DRG1: variants seen among roughly 807,000 people sequenced by gnomAD.
DRG1 encodes developmentally-regulated GTP-binding protein 1.
A neutral mutation model predicts 38.8 loss-of-function variants in DRG1; 19 were observed. The ratio of observed to expected loss-of-function variants is 0.49; its 90% CI spans 0.34 to 0.72. The LOEUF (loss-of-function observed/expected upper bound fraction) is 0.72. Among genes scored for constraint, DRG1 ranks in the 30% least tolerant of loss-of-function variants. The pLI is 0.01. For missense variants in DRG1, 299 were observed against 444.8 expected (o/e 0.67, Z 2.95); for synonymous variants, 167 against 157.5 (o/e 1.06, Z -0.45).
intron 4 of DRG1, among the ~76,000 whole-genome samples, chr22:31,418,035 G>A (rs924924642): frequency 1.3e-5 from 2 of 151,474 alleles, no homozygotes; most frequent in African/African-American, 2.4e-5. Context: ...GGTGGCTCAC[G>A]CCTGTAATCC....
rs886674038 is a variant in DRG1, at chr22:31,432,410, GTT to G, written c.1005-1457_1005-1456del. On this transcript the variant is annotated intron_variant, in intron 8 of 8. Transcript: ENST00000331457. The stretch of plus-strand genomic sequence containing the variant: ...ACTGATCCCTTACTCTGTGCTTTGT[GTT>G]TTTTGTGTGTGTGTGTGTTTTTTTT... Among the ~76,000 whole-genome samples the G allele has an allele frequency of 9.0e-4, 132 of 147,366 alleles. 2 individuals are homozygous for G. In the East Asian group the frequency reaches 0.024, roughly 26 times the overall value.
intron 5 of DRG1, among the ~76,000 whole-genome samples, chr22:31,421,782 A>G (rs533201925): frequency 6.6e-6 from 1 of 152,236 alleles, no homozygotes; most frequent in African/African-American, 2.4e-5. Context: ...CTTTAATGTC[A>G]TGGGCCTAAC....
intron 4 of DRG1, among the ~76,000 whole-genome samples, chr22:31,418,039 G>A (rs1054135742): frequency 1.3e-5 from 2 of 151,924 alleles, no homozygotes; most frequent in Admixed American, 6.6e-5. Flanking sequence ...GCTCACGCCT[G>A]TAATCCCAAC....
chr22:31,412,585 G>A lies in DRG1; in HGVS notation c.412+1504G>A, dbSNP rs559602558. Reference sequence around the variant, plus strand: ...AGGATGGTCTCGATCTCCTGACCTCGTGATCCGCCCGCCTCGGCCTCCCAA... The same window carrying A: ...AGGATGGTCTCGATCTCCTGACCTCATGATCCGCCCGCCTCGGCCTCCCAA... On this transcript the variant is annotated intron_variant, in intron 4 of 8. Transcript: ENST00000331457. 4.4e-4 allele frequency among the ~76,000 whole-genome samples: 67 copies of A among 151,922 alleles called. No individual in the cohort carries two copies. The Middle Eastern group carries it at 0.01, about 23-fold the overall frequency.
At chr22:31,423,485 C>A in intron 6 of DRG1, 75 bp downstream of exon 6, 2 of 1,367,822 alleles carry the variant, frequency 1.5e-6, no homozygotes, top group Non-Finnish European at 2.0e-6. Flanking sequence ...GATCTTGAAT[C>A]TGGCAGAAGT....
At chr22:31,408,531 T>C (rs2050001601) in intron 3 of DRG1, among the ~76,000 whole-genome samples, 1 of 151,572 alleles carries the variant, frequency 6.6e-6, no homozygotes, top group African/African-American at 2.4e-5. Context: ...GCAGATCACT[T>C]GAGGTCAGGA....
rs879164478 is a variant in DRG1 at position 31,403,121 on chromosome 22, G to T, written c.259G>T (p.Val87Leu). Reference protein sequence around the residue: ...KSTLLSNLAGVYSEVAAYEFT... With the variant: ...KSTLLSNLAGLYSEVAAYEFT... ...AACACTGCTTAGTAACCTGGCAGGG[G>T]TATATTCTGAGGTGGCAGCCTATGA... The change falls in exon 3 of 9, where the codon GTA becomes TTA. Residue 87 changes from valine (V) to leucine (L), a missense_variant. By Grantham distance (32) the Val-to-Leu change is conservative. Around this residue, in one of 3 missense-constraint regions of DRG1, gnomAD observed 50 missense variants for 120.6 expected, o/e 0.41. Transcript: ENST00000331457. 1.2e-6 allele frequency: 2 copies of T among 1,614,002 alleles called. No homozygotes were observed. The highest frequency in any genetic ancestry group is 1.1e-5 in the South Asian group (1 of 91,088).
At chr22:31,401,473 A>G (rs695630) in intron 2 of DRG1, among the ~76,000 whole-genome samples, 127,735 of 151,430 alleles carry the variant, frequency 0.84, 54,073 homozygotes, top group East Asian at 0.94. Flanking sequence ...CAGCTATTTG[A>G]GAGGCTGAGG....
chr22:31,429,634 T>G (rs2050128933), intron 8 of DRG1, among the ~76,000 whole-genome samples: 1 of 151,966 alleles, frequency 6.6e-6, no homozygotes, highest in Non-Finnish European at 1.5e-5. Flanking sequence ...TGTTGGCCCC[T>G]GTGTTCTTTT....
Position 31,423,306 on chromosome 22 carries a change from A to G in DRG1, c.609A>G (p.Glu203=). The change falls in exon 6 of 9, where the codon GAA becomes GAG. Residue 203 remains glutamate (E), a synonymous_variant. Coordinates refer to ENST00000331457, the MANE Select transcript of DRG1 (RefSeq NM_004147.4). Reference sequence around the variant, plus strand: ...GCCCCCAGAGTGAGCTGGATGCTGAAACTGTGAAGAGCATTCTGGCTGAAT... The same window carrying G: ...GCCCCCAGAGTGAGCTGGATGCTGAGACTGTGAAGAGCATTCTGGCTGAAT... ...ATCPQSELDA[E]TVKSILAEYK... 6.2e-7 allele frequency: 1 copy of G among 1,614,110 alleles called. No individual in the cohort carries two copies. Among genetic ancestry groups the G allele is most frequent in the Non-Finnish European group, 8.5e-7 (1 of 1,180,016 alleles).
intron 8 of DRG1, among the ~76,000 whole-genome samples, chr22:31,430,774 G>A (rs150799085): frequency 7.2e-4 from 109 of 151,930 alleles, no homozygotes; most frequent in Middle Eastern, 3.4e-3. Context: ...GCTGGAGTGC[G>A]GTGGCTCTGT....
chr22:31,408,344 A>G (rs1321423555), intron 3 of DRG1, among the ~76,000 whole-genome samples: 1 of 148,152 alleles, frequency 6.7e-6, no homozygotes, highest in African/African-American at 2.5e-5. Context: ...GGGTTTCACC[A>G]TGTTGGCCAA....
intron 4 of DRG1, among the ~76,000 whole-genome samples, chr22:31,417,701 T>C (rs1444986243): frequency 2.0e-5 from 3 of 149,374 alleles, no homozygotes; most frequent in Non-Finnish European, 4.5e-5. Context: ...ATAAATAAAA[T>C]AAAATCAGGC....
chr22:31,404,272 G>A (rs1471697262), intron 3 of DRG1, among the ~76,000 whole-genome samples: 2 of 148,146 alleles, frequency 1.4e-5, no homozygotes, highest in South Asian at 2.1e-4. Flanking sequence ...TTGAGACAGA[G>A]TCTGTCTCCC....
At chr22:31,424,167 GAGAC>G (rs2050094537) in intron 6 of DRG1, among the ~76,000 whole-genome samples, 1 of 144,120 alleles carries the variant, frequency 6.9e-6, no homozygotes, top group Non-Finnish European at 1.5e-5. Flanking sequence ...TTTTTTTTTT[GAGAC>G]AGAGTCTTAC....
At chr22:31,410,250 T>A (rs919330441) in intron 3 of DRG1, among the ~76,000 whole-genome samples, 1 of 151,148 alleles carries the variant, frequency 6.6e-6, no homozygotes, top group Non-Finnish European at 1.5e-5. Flanking sequence ...AGTTCAGGAG[T>A]TTGAGACCAG....
chr22:31,409,122 T>A (rs2050005013), intron 3 of DRG1, among the ~76,000 whole-genome samples: 2 of 152,224 alleles, frequency 1.3e-5, no homozygotes, highest in South Asian at 4.1e-4. Flanking sequence ...TGAGATGGAG[T>A]CTTACTCTGT....
At chr22:31,411,553 A>G (rs1172092247) in intron 4 of DRG1, among the ~76,000 whole-genome samples, 1 of 140,452 alleles carries the variant, frequency 7.1e-6, no homozygotes, top group African/African-American at 2.6e-5. Flanking sequence ...TTTTTGGGAC[A>G]GTGGCTCACT....
intron 1 of DRG1, 119 bp from the exon 2 acceptor site, chr22:31,400,501 T>C (rs1413199284): frequency 5.2e-6 from 7 of 1,337,758 alleles, no homozygotes; most frequent in African/African-American, 2.9e-5. Flanking sequence ...TTTTACTCTT[T>C]TAAAGCCTGT....
Sources: allele counts gnomAD v4.1 joint callset (sites outside exome capture counted in the v4.1 genomes callset), GRCh38; gene constraint gnomAD v4.1.1; regional missense constraint gnomAD v4.1.1; transcripts MANE v1.5; gene names NCBI Gene and HGNC (gene_info 2026-07-23, HGNC 2026-07-21).